The following THSD4 variants were observed in gnomAD, a reference collection of about 807,000 sequenced individuals.
THSD4 encodes thrombospondin type 1 domain containing 4.
THSD4 carries 69 observed loss-of-function variants against 119.0 expected under a neutral mutation model. The observed-to-expected ratio is 0.58, with a 90% CI of 0.48 to 0.71. The LOEUF (loss-of-function observed/expected upper bound fraction) is 0.71, where lower values mean the gene tolerates loss of function less well. THSD4 is among the 30% of genes least tolerant of loss of function. The pLI is 0.00. For missense variants in THSD4, 1,393 were observed against 1,391.1 expected (o/e 1.00, Z -0.02); for synonymous variants, 524 against 540.4 (o/e 0.97, Z 0.42).
intron 8 of THSD4, among the ~76,000 whole-genome samples, chr15:71,719,365 T>C (rs892173602): frequency 1.3e-5 from 2 of 152,232 alleles, no homozygotes; most frequent in Non-Finnish European, 2.9e-5. Context: ...AAAAAATTAC[T>C]GTGTGATATC....
intron 3 of THSD4, among the ~76,000 whole-genome samples, chr15:71,195,708 G>A (rs1596262414): frequency 6.6e-6 from 1 of 152,126 alleles, no homozygotes; most frequent in Non-Finnish European, 1.5e-5. Context: ...TGGTATTGTC[G>A]GAGGGTTGCT....
intron 6 of THSD4, among the ~76,000 whole-genome samples, chr15:71,311,584 A>G (rs1017738317): frequency 6.6e-6 from 1 of 152,140 alleles, no homozygotes; most frequent in Non-Finnish European, 1.5e-5. Context: ...CTAACTGTGC[A>G]CTGATCCTTG....
At chr15:71,167,134 GTGCTCAAAAACT>G (rs2043301462) in intron 3 of THSD4, 1 of 152,142 alleles carries the variant, frequency 6.6e-6, no homozygotes, top group African/African-American at 2.4e-5. Flanking sequence ...TCCTGGTTAT[GTGCTCAAAAACT>G]TGGCAGCAGA....
At chr15:71,570,104 C>A (rs2049320396) in intron 7 of THSD4, among the ~76,000 whole-genome samples, 1 of 152,104 alleles carries the variant, frequency 6.6e-6, no homozygotes, top group African/African-American at 2.4e-5. Context: ...GAAGTCAATA[C>A]CACTTTTTAT....
intron 6 of THSD4, among the ~76,000 whole-genome samples, chr15:71,340,139 G>A (rs1344871543): frequency 6.6e-6 from 1 of 152,192 alleles, no homozygotes; most frequent in East Asian, 1.9e-4. Flanking sequence ...CACTTAATCA[G>A]TAGATGTTTG....
chr15:71,180,706 C>G (rs947937030), intron 3 of THSD4, among the ~76,000 whole-genome samples: 102 of 151,866 alleles, frequency 6.7e-4, no homozygotes, highest in African/African-American at 2.4e-3. Context: ...ATATTTAGTT[C>G]AAGTATAGAC....
At chr15:71,552,372 C>G (rs7181705) in intron 7 of THSD4, among the ~76,000 whole-genome samples, 22,288 of 152,206 alleles carry the variant, frequency 0.15, 5,490 homozygotes, top group African/African-American at 0.51. Flanking sequence ...GAATGTAGGA[C>G]TGCTTTGTAA....
intron 7 of THSD4, among the ~76,000 whole-genome samples, chr15:71,475,846 G>C (rs556717020): frequency 5.3e-4 from 81 of 152,116 alleles, no homozygotes; most frequent in Admixed American, 1.4e-3. Flanking sequence ...AGGATTGCTT[G>C]AGCCCAGAAG....
intron 6 of THSD4, among the ~76,000 whole-genome samples, chr15:71,376,397 C>A (rs967770902): frequency 2.6e-5 from 4 of 152,164 alleles, no homozygotes; most frequent in Non-Finnish European, 5.9e-5. Context: ...TCTCCCACAC[C>A]AGTCCCATAC....
chr15:71,400,810 G>A (rs1266906599), intron 6 of THSD4, among the ~76,000 whole-genome samples: 1 of 150,900 alleles, frequency 6.6e-6, no homozygotes, highest in Non-Finnish European at 1.5e-5. Flanking sequence ...CTTGAACAGG[G>A]ATATCGTATA....
intron 6 of THSD4, among the ~76,000 whole-genome samples, chr15:71,407,941 GTGT>G (rs1295507026): frequency 1.3e-5 from 2 of 152,200 alleles, no homozygotes; most frequent in Admixed American, 1.3e-4. Context: ...CACTGCTTTA[GTGT>G]GTGGACAGGA....
chr15:71,374,212 A>G (rs919189038), intron 6 of THSD4, among the ~76,000 whole-genome samples: 8 of 152,128 alleles, frequency 5.3e-5, no homozygotes, highest in African/African-American at 1.9e-4. Flanking sequence ...CAAATGGGGG[A>G]TGCAGAGGGA....
intron 6 of THSD4, among the ~76,000 whole-genome samples, chr15:71,307,903 C>T (rs1567189940): frequency 6.6e-6 from 1 of 152,192 alleles, no homozygotes; most frequent in Non-Finnish European, 1.5e-5. Flanking sequence ...TTCTAGGGAT[C>T]CCCTCCCAGT....
At chr15:71,164,535 T>G (rs1034228529) in intron 3 of THSD4, among the ~76,000 whole-genome samples, 6 of 152,040 alleles carry the variant, frequency 3.9e-5, no homozygotes, top group Non-Finnish European at 8.8e-5. Context: ...CATGCCAATT[T>G]ACAACCCCCA....
chr15:71,756,983 A>G (rs2053550817), intron 14 of THSD4, among the ~76,000 whole-genome samples: 1 of 152,210 alleles, frequency 6.6e-6, no homozygotes, highest in Non-Finnish European at 1.5e-5. Context: ...TTTTATCCCT[A>G]TGAGGCTTAG....
At position 71,659,722 on chromosome 15, in the gene THSD4, T is replaced by G. The variant is rs374623052; in HGVS notation, c.1153-808T>G. 5.3e-5 allele frequency among the ~76,000 whole-genome samples: 8 copies of G among 152,262 alleles called. No homozygotes were observed. The South Asian group carries it at 1.2e-3, about 24-fold the overall frequency. On this transcript the variant is annotated intron_variant, in intron 7 of 17. Transcript: ENST00000261862. ...CCACCATGTCTGGCCCAAAGTTTAATTTGTGTGTGCGACATAAAATGGTCC... is the reference window on the plus strand; with the variant it reads ...CCACCATGTCTGGCCCAAAGTTTAAGTTGTGTGTGCGACATAAAATGGTCC...
At chr15:71,159,544 T>A (rs1195051380) in intron 3 of THSD4, among the ~76,000 whole-genome samples, 1 of 152,170 alleles carries the variant, frequency 6.6e-6, no homozygotes, top group Non-Finnish European at 1.5e-5. Context: ...TTTGTTTGTG[T>A]GTACCATTGT....
intron 7 of THSD4, among the ~76,000 whole-genome samples, chr15:71,546,257 A>G (rs966929806): frequency 2.6e-5 from 4 of 152,072 alleles, no homozygotes; most frequent in African/African-American, 7.2e-5. Context: ...TTTCCACTGC[A>G]CCGTGCAGTC....
At chr15:71,251,518 C>A (rs1016152063) in intron 5 of THSD4, among the ~76,000 whole-genome samples, 1 of 152,206 alleles carries the variant, frequency 6.6e-6, no homozygotes, top group East Asian at 1.9e-4. Flanking sequence ...GCCACTTTCT[C>A]ATGGCAGTGC....
Sources: gnomAD v4.1 joint callset for allele counts (sites outside exome capture counted in the v4.1 genomes callset) on GRCh38, gnomAD v4.1.1 for gene constraint, MANE v1.5 for transcripts, NCBI Gene and HGNC (gene_info 2026-07-23, HGNC 2026-07-21) for gene names.